Variants in WDR44 observed in about 807,000 individuals in gnomAD.
WDR44 encodes WD repeat-containing protein 44.
A neutral mutation model predicts 65.7 loss-of-function variants in WDR44; 9 were observed. The ratio of observed to expected loss-of-function variants is 0.14; its 90% CI spans 0.08 to 0.24. WDR44 has a LOEUF of 0.24. WDR44 is among the 10% of genes least tolerant of loss of function. The pLI, the probability that WDR44 is intolerant of heterozygous loss-of-function variation, is 1.00. For synonymous variants in WDR44, 220 were observed against 235.2 expected (o/e 0.94, Z 0.59); for missense variants, 425 against 670.9 (o/e 0.63, Z 4.05).
chrX:118,427,924 C>G (rs2057173162), intron 12 of WDR44, among the ~76,000 whole-genome samples: 1 of 109,845 alleles, frequency 9.1e-6, no homozygotes, highest in Non-Finnish European at 1.9e-5. Context: ...ATCTGCCCGC[C>G]TCGGCCTCCC....
intron 12 of WDR44, among the ~76,000 whole-genome samples, chrX:118,420,002 C>CT (rs1285778341): frequency 9.0e-6 from 1 of 111,383 alleles, no homozygotes; most frequent in African/African-American, 3.3e-5. Flanking sequence ...CTTTTTCTTC[C>CT]TTACCCACAT....
intron 12 of WDR44, among the ~76,000 whole-genome samples, chrX:118,426,978 T>C (rs2057162438): frequency 8.9e-6 from 1 of 111,889 alleles, no homozygotes; most frequent in East Asian, 2.8e-4. Flanking sequence ...ATACATGCAG[T>C]CCTTAAATTG....
chrX:118,377,275 G>A (rs1325337592), intron 1 of WDR44, among the ~76,000 whole-genome samples: 2 of 110,399 alleles, frequency 1.8e-5, no homozygotes, highest in South Asian at 3.9e-4. Context: ...CTGGAGGATC[G>A]CTTGAGACCA....
intron 1 of WDR44, among the ~76,000 whole-genome samples, chrX:118,373,940 T>C (rs1471758846): frequency 8.9e-6 from 1 of 111,774 alleles, no homozygotes. Flanking sequence ...TTTTATTTTA[T>C]TTTATTTTTT....
At chrX:118,396,805 G>A (rs1163877079) in intron 6 of WDR44, among the ~76,000 whole-genome samples, 165 bp from the exon 7 acceptor site, 3 of 111,907 alleles carry the variant, frequency 2.7e-5, no homozygotes, top group Non-Finnish European at 5.6e-5. Context: ...AGTGCATTTT[G>A]TGGCATGTGA....
chrX:118,354,026 T>A (rs960063325), intron 1 of WDR44, among the ~76,000 whole-genome samples: 12 of 111,459 alleles, frequency 1.1e-4, no homozygotes, highest in Non-Finnish European at 1.7e-4. Flanking sequence ...TCTTTTTTTT[T>A]ATATTTATTT....
intron 12 of WDR44, among the ~76,000 whole-genome samples, chrX:118,428,140 T>G: frequency 9.1e-6 from 1 of 109,351 alleles, no homozygotes; most frequent in Non-Finnish European, 1.9e-5. Flanking sequence ...ATACAAAAAG[T>G]AGCCAGGTAT....
In WDR44 at chrX:118,432,820, G is replaced by A. The variant is rs763160039; in HGVS notation, c.1777G>A (p.Ala593Thr). ...TGATGAAGACCCTGATGATAAAAACGCACCCTTTCGGCAACGGCCATTTTG... is the reference window on the plus strand; with the variant it reads ...TGATGAAGACCCTGATGATAAAAACACACCCTTTCGGCAACGGCCATTTTG... ...GTDEDPDDKN[A>T]PFRQRPFCKY... The change falls in exon 13 of 20, where the codon GCA becomes ACA. Residue 593 changes from alanine (A) to threonine (T), a missense_variant. Ala to Thr is a moderately conservative substitution (Grantham distance 58). Transcript: ENST00000254029. 3.8e-5 allele frequency: 46 copies of A among 1,209,640 alleles called. No individual in the cohort carries two copies. Among genetic ancestry groups the A allele is most frequent in the Non-Finnish European group, 5.0e-5 (45 of 894,758 alleles).
chrX:118,381,978 C>T (rs1194156599), intron 2 of WDR44, among the ~76,000 whole-genome samples: 1 of 111,492 alleles, frequency 9.0e-6, no homozygotes, highest in Non-Finnish European at 1.9e-5. Flanking sequence ...ACTCCTCCCA[C>T]CTGAGACTCC....
chrX:118,350,651 T>TTA (rs2056396294), intron 1 of WDR44, among the ~76,000 whole-genome samples: 1 of 111,897 alleles, frequency 8.9e-6, no homozygotes, highest in Admixed American at 9.5e-5. Context: ...ACTGGGTAAA[T>TTA]TATATATGAG....
At chrX:118,438,797 G>GTTTTCTTTTTTTTTTTTTTTTT (rs2057276422) in intron 14 of WDR44, among the ~76,000 whole-genome samples, 1 of 64,071 alleles carries the variant, frequency 1.6e-5, no homozygotes, top group Non-Finnish European at 2.9e-5. Flanking sequence ...GTTCAGCCAT[G>GTTTTCTTTTTTTTTTTTTTTTT]TTTTTTTTTT....
At chrX:118,375,755 T>C (rs764792822) in intron 1 of WDR44, among the ~76,000 whole-genome samples, 3 of 111,701 alleles carry the variant, frequency 2.7e-5, no homozygotes, top group Non-Finnish European at 5.6e-5. Flanking sequence ...TTTCTGGAAA[T>C]TGTCCTTTGT....
intron 5 of WDR44, among the ~76,000 whole-genome samples, 156 bp from the exon 6 acceptor site, chrX:118,395,093 G>C (rs2056854193): frequency 8.9e-6 from 1 of 112,027 alleles, no homozygotes; most frequent in South Asian, 3.6e-4. Flanking sequence ...TCAGCATGCT[G>C]GGAAAAATGA....
intron 10 of WDR44, 48 bp downstream of exon 10, chrX:118,407,074 G>T: frequency 8.8e-7 from 1 of 1,134,768 alleles, no homozygotes; most frequent in South Asian, 2.1e-5. Context: ...TTTGTTAAGA[G>T]AAATACTTTG....
intron 12 of WDR44, among the ~76,000 whole-genome samples, chrX:118,420,673 C>T (rs1012371423): frequency 1.8e-5 from 2 of 112,118 alleles, no homozygotes; most frequent in African/African-American, 6.5e-5. Flanking sequence ...TCCTACCAGC[C>T]GTGCCTGATA....
chrX:118,358,072 T>C (rs1452727637), intron 1 of WDR44, among the ~76,000 whole-genome samples: 6 of 112,207 alleles, frequency 5.3e-5, no homozygotes, highest in African/African-American at 1.9e-4. Context: ...TAGCTAAAAA[T>C]GACTTAAAAG....
At chrX:118,407,099 A>G (rs760787741) in intron 10 of WDR44, 73 bp downstream of exon 10, 16 of 1,033,521 alleles carry the variant, frequency 1.5e-5, no homozygotes, top group Admixed American at 5.2e-5. Context: ...CTACAAAACT[A>G]TCTCTTTCTA....
At chrX:118,376,417 C>T (rs1477379701) in intron 1 of WDR44, among the ~76,000 whole-genome samples, 2 of 111,484 alleles carry the variant, frequency 1.8e-5, no homozygotes, top group Non-Finnish European at 3.8e-5. Flanking sequence ...CAAAATACGA[C>T]TTTGAGGAAA....
intron 19 of WDR44, among the ~76,000 whole-genome samples, chrX:118,444,711 C>T (rs2057331696): frequency 9.0e-6 from 1 of 111,609 alleles, no homozygotes; most frequent in African/African-American, 3.3e-5. Flanking sequence ...GTGATCCTTC[C>T]ACCTCAGCCT....
Sources: gnomAD v4.1 joint callset for allele counts (sites outside exome capture counted in the v4.1 genomes callset) on GRCh38, gnomAD v4.1.1 for gene constraint, MANE v1.5 for transcripts, NCBI Gene and HGNC (gene_info 2026-07-23, HGNC 2026-07-21) for gene names.